The following PLXDC2 variants were observed in gnomAD, a reference collection of about 807,000 sequenced individuals.
PLXDC2 encodes the protein plexin domain-containing protein 2.
A neutral mutation model predicts 68.9 loss-of-function variants in PLXDC2; 40 were observed. That is an observed-to-expected ratio of 0.58 (90% CI 0.45 to 0.76). The LOEUF (loss-of-function observed/expected upper bound fraction) is 0.76, where lower values mean the gene tolerates loss of function less well. Among genes scored for constraint, PLXDC2 ranks in the 30% least tolerant of loss-of-function variants. The probability of loss-of-function intolerance (pLI) is 0.00; values close to 1 mark genes in which losing one functional copy is unlikely to be tolerated. For synonymous variants in PLXDC2, 243 were observed against 234.2 expected, an observed-to-expected ratio of 1.04 and a Z score of -0.34; for missense variants, 644 against 661.9, an observed-to-expected ratio of 0.97 and a Z score of 0.30.
At chr10:20,006,775 T>A (rs1053901118) in intron 2 of PLXDC2, among the ~76,000 whole-genome samples, 1 of 152,218 alleles carries the variant, frequency 6.6e-6, no homozygotes, top group African/African-American at 2.4e-5. Context: ...GGTTTTGTTG[T>A]TGTTATTGTT....
chr10:19,974,788 A>G (rs1307215673), intron 1 of PLXDC2, among the ~76,000 whole-genome samples: 1 of 152,212 alleles, frequency 6.6e-6, no homozygotes, highest in Non-Finnish European at 1.5e-5. Flanking sequence ...ATAAGTGAAC[A>G]AATATCTAAA....
intron 2 of PLXDC2, among the ~76,000 whole-genome samples, chr10:20,019,311 G>T (rs1268579279): frequency 2.6e-5 from 4 of 152,158 alleles, no homozygotes; most frequent in Non-Finnish European, 5.9e-5. Context: ...AAGTAACTGG[G>T]TCCAGTGTAG....
Position 19,889,788 on chromosome 10 carries a change from T to C in PLXDC2, c.112+72597T>C, listed in dbSNP as rs183310407. Among the ~76,000 whole-genome samples, 8 of 152,292 alleles carry C rather than the reference T, an allele frequency of 5.3e-5. No homozygotes were observed. The East Asian group carries it at 1.5e-3, about 29-fold the overall frequency. ...TGACATTTTGTACTCTGAGATGAAC[T>C]CCAAATAGTGCCAGCAGGTAACCCA... On this transcript the variant is annotated intron_variant, in intron 1 of 13. Transcript: ENST00000377252.
chr10:20,022,486 C>A lies in PLXDC2; in HGVS notation c.324+20500C>A, dbSNP rs1462584754. ...GTCAGAACCCAGAGGTCCTTGAAAG[C>A]CACATGAGGGACTGCATTTCTTTGG... On this transcript the variant is annotated intron_variant, in intron 2 of 13. Transcript: ENST00000377252. 5.3e-5 allele frequency among the ~76,000 whole-genome samples: 8 copies of A among 152,088 alleles called. No individual in the cohort carries two copies. The East Asian group carries it at 1.5e-3, about 29-fold the overall frequency.
chr10:20,135,708 A>G (rs1833924845), intron 4 of PLXDC2, among the ~76,000 whole-genome samples: 1 of 152,172 alleles, frequency 6.6e-6, no homozygotes, highest in South Asian at 2.1e-4. Context: ...TTTTATGAAC[A>G]TAATTTGCAG....
chr10:19,908,424 T>C (rs1165241274), intron 1 of PLXDC2, among the ~76,000 whole-genome samples: 1 of 152,004 alleles, frequency 6.6e-6, no homozygotes, highest in Non-Finnish European at 1.5e-5. Context: ...TAAGCAGTTA[T>C]TAAACATAAA....
chr10:20,054,157 T>C (rs1835953022), intron 3 of PLXDC2, among the ~76,000 whole-genome samples: 1 of 151,890 alleles, frequency 6.6e-6, no homozygotes. Flanking sequence ...GGGCGTCAGA[T>C]GTGAGAAGTT....
rs1385213813 is a variant in PLXDC2, at chr10:20,001,989, A to G, written c.324+3A>G. ...AGGACAATAACACTCAGATCGAGGT[A>G]GATAAATAGTCTGGGTAATTGAAAT... is the stretch of plus-strand genomic sequence containing the variant. On this transcript the variant is annotated splice_donor_region_variant and intron_variant, in intron 2 of 13. Coordinates refer to ENST00000377252, the MANE Select transcript of PLXDC2 (RefSeq NM_032812.9). 1 of 1,610,412 alleles carries G rather than the reference A, an allele frequency of 6.2e-7. No homozygotes were observed. The highest frequency in any genetic ancestry group is 8.5e-7 in the Non-Finnish European group (1 of 1,178,986).
intron 1 of PLXDC2, among the ~76,000 whole-genome samples, chr10:19,885,933 A>G (rs1409950729): frequency 4.0e-5 from 6 of 151,632 alleles, no homozygotes; most frequent in Admixed American, 6.6e-5. Context: ...GAATCTATAA[A>G]TTACCTTGGG....
intron 3 of PLXDC2, among the ~76,000 whole-genome samples, chr10:20,049,235 C>T (rs545277044): frequency 1.3e-5 from 2 of 152,114 alleles, no homozygotes; most frequent in Admixed American, 6.6e-5. Flanking sequence ...CCATCTATGA[C>T]AAACCCACAG....
In PLXDC2 at chr10:20,226,813, T is replaced by A. The variant is rs918703558; in HGVS notation, c.1312+7711T>A. On this transcript the variant is annotated intron_variant, in intron 12 of 13. Coordinates refer to ENST00000377252, the MANE Select transcript of PLXDC2 (RefSeq NM_032812.9). Reference sequence around the variant, plus strand: ...ACCTCCCTTTGGTGGATACCTACTTTCCTTTCAGTGTCCGCCTCCTGTCTC... The same window carrying A: ...ACCTCCCTTTGGTGGATACCTACTTACCTTTCAGTGTCCGCCTCCTGTCTC... Among the ~76,000 whole-genome samples, 3 of 152,130 alleles carry A rather than the reference T, an allele frequency of 2.0e-5. No homozygotes were observed. In the South Asian group the frequency reaches 6.2e-4, roughly 32 times the overall value.
chr10:20,287,979 CG>C lies in PLXDC2; in HGVS notation c.*8165del, dbSNP rs748974758. On this transcript the variant is annotated 3_prime_UTR_variant, in exon 14 of 14. Coordinates refer to ENST00000377252, the MANE Select transcript of PLXDC2 (RefSeq NM_032812.9). ...AGAAGAAATTGGGCACTTCTTGCGG[CG>C]GGGGAGGGGGGGGGGGCGGTGGCTT... 4.0e-4 allele frequency: 5 copies of C among 12,398 alleles called. No individual in the cohort carries two copies. Among genetic ancestry groups the C allele is most frequent in the Admixed American group, 1.6e-3 (2 of 1,280 alleles). 0.8% of individuals were successfully genotyped at this position (12,398 alleles called of 1,614,324 possible).
intron 13 of PLXDC2, among the ~76,000 whole-genome samples, chr10:20,271,200 GA>G (rs1343727594): frequency 6.7e-6 from 1 of 150,350 alleles, no homozygotes; most frequent in African/African-American, 2.5e-5. Flanking sequence ...TACCATCCTA[GA>G]AAGCCACAAA....
chr10:19,821,628 A>T (rs749619101), intron 1 of PLXDC2, among the ~76,000 whole-genome samples: 7 of 152,226 alleles, frequency 4.6e-5, no homozygotes, highest in Non-Finnish European at 1.0e-4. Context: ...ACTGACTAGA[A>T]CTATAGTTCA....
At chr10:19,843,773 T>A (rs1238956519) in intron 1 of PLXDC2, among the ~76,000 whole-genome samples, 1 of 151,508 alleles carries the variant, frequency 6.6e-6, no homozygotes, top group African/African-American at 2.4e-5. Context: ...CTGGGAAGAG[T>A]GTGTGGGTGG....
chr10:20,220,583 C>G (rs1249341961), intron 12 of PLXDC2, among the ~76,000 whole-genome samples: 2 of 151,798 alleles, frequency 1.3e-5, no homozygotes, highest in East Asian at 3.9e-4. Context: ...ACAAAGGATT[C>G]TTGTGATCGA....
chr10:19,915,972 C>G (rs1833358587), intron 1 of PLXDC2, among the ~76,000 whole-genome samples: 1 of 151,998 alleles, frequency 6.6e-6, no homozygotes, highest in African/African-American at 2.4e-5. Context: ...TATCTCAGCT[C>G]AAGCCTAACA....
rs1836104201 is a variant in PLXDC2, at chr10:20,283,227, A to G, written c.*3408A>G. ...TAATGAAAAAAATACAAGCTGACAC[A>G]GCTTTAAATCCCCACTGTGTTATCT... On this transcript the variant is annotated 3_prime_UTR_variant, in exon 14 of 14. Coordinates refer to ENST00000377252, the MANE Select transcript of PLXDC2 (RefSeq NM_032812.9). 6.6e-6 allele frequency: 1 copy of G among 152,238 alleles called. No individual in the cohort carries two copies. The highest frequency in any genetic ancestry group is 1.5e-5 in the Non-Finnish European group (1 of 68,044). 9.4% of individuals were successfully genotyped at this position (152,238 alleles called of 1,614,324 possible). A position where few individuals can be genotyped will look rare whatever the true frequency, so the allele number is the denominator to read the frequency against.
chr10:19,984,057 C>T (rs1230863735), intron 1 of PLXDC2, among the ~76,000 whole-genome samples: 1 of 152,114 alleles, frequency 6.6e-6, no homozygotes, highest in East Asian at 1.9e-4. Context: ...TCCCATGGGT[C>T]GTCGAAGTGT....
Sources: allele counts gnomAD v4.1 joint callset (sites outside exome capture counted in the v4.1 genomes callset), GRCh38; gene constraint gnomAD v4.1.1; transcripts MANE v1.5; gene names NCBI Gene and HGNC (gene_info 2026-07-23, HGNC 2026-07-21).